CNTNAP2: variants seen among roughly 807,000 people sequenced by gnomAD.
CNTNAP2 encodes the protein contactin associated protein 2.
Under a neutral mutation model 155.2 loss-of-function variants are expected in CNTNAP2, and 98 were observed. The ratio of observed to expected loss-of-function variants is 0.63; its 90% CI spans 0.54 to 0.75. CNTNAP2 has a LOEUF of 0.75. Ranked by LOEUF, CNTNAP2 falls within the 30% of genes least tolerant of loss-of-function variation. CNTNAP2 has a pLI of 0.00. For synonymous variants in CNTNAP2, 651 were observed against 631.2 expected, an observed-to-expected ratio of 1.03 and a Z score of -0.47; for missense variants, 1,727 against 1,688.1, an observed-to-expected ratio of 1.02 and a Z score of -0.40.
chr7:146,839,822 C>A lies in CNTNAP2; in HGVS notation c.320C>A (p.Ser107Ter). 6.2e-7 allele frequency: 1 copy of A among 1,614,090 alleles called. No homozygotes were observed. The highest frequency in any genetic ancestry group is 8.5e-7 in the Non-Finnish European group (1 of 1,180,026). The change falls in exon 3 of 24, where the codon TCA (serine) becomes TAA (stop). Residue 107 changes from serine to a stop codon, truncating the protein, a stop_gained. Transcript: ENST00000361727. LOFTEE classifies it high-confidence loss of function. ...GCAACCCAAGGAAGGTATAGCAGCT[C>A]AGATTGGGTGACCCAATACCGGATG... The part of the protein sequence containing the change: ...AIATQGRYSS[S>*]DWVTQYRMLY...
At chr7:147,774,309 A>G (rs1350161308) in intron 13 of CNTNAP2, among the ~76,000 whole-genome samples, 1 of 152,232 alleles carries the variant, frequency 6.6e-6, no homozygotes, top group Non-Finnish European at 1.5e-5. Flanking sequence ...GGAATTGATT[A>G]TGAAGTCAAT....
intron 3 of CNTNAP2, among the ~76,000 whole-genome samples, chr7:146,885,346 C>T (rs909107982): frequency 7.9e-5 from 12 of 151,858 alleles, no homozygotes; most frequent in East Asian, 1.9e-4. Flanking sequence ...TGGCAAGAAA[C>T]GAGAATACCA....
chr7:146,307,156 A>C (rs1018410733), intron 1 of CNTNAP2, among the ~76,000 whole-genome samples: 3 of 152,196 alleles, frequency 2.0e-5, no homozygotes, highest in Non-Finnish European at 4.4e-5. Context: ...TCAATGTGCA[A>C]AAATCACAAG....
At chr7:148,328,976 G>GGAAAAAA (rs772803123) in intron 21 of CNTNAP2, among the ~76,000 whole-genome samples, 5 of 69,254 alleles carry the variant, frequency 7.2e-5, no homozygotes, top group African/African-American at 2.6e-4. Flanking sequence ...ACTCTGTCTG[G>GGAAAAAA]AAAAAAAAAA....
intron 12 of CNTNAP2, among the ~76,000 whole-genome samples, chr7:147,575,103 G>A (rs1333481129): frequency 8.1e-6 from 1 of 122,788 alleles, no homozygotes; most frequent in Non-Finnish European, 1.7e-5. Flanking sequence ...GGTCTTTGTG[G>A]GAAATGTGTG....
At chr7:146,330,682 A>T (rs1310540501) in intron 1 of CNTNAP2, among the ~76,000 whole-genome samples, 1 of 152,164 alleles carries the variant, frequency 6.6e-6, no homozygotes, top group African/African-American at 2.4e-5. Context: ...AAAGACCAAA[A>T]ACCCTGAGGC....
At chr7:147,161,793 T>C (rs1458255418) in intron 8 of CNTNAP2, 1 of 152,196 alleles carries the variant, frequency 6.6e-6, no homozygotes. Context: ...ATGGTATAGA[T>C]TTTATCCCAG....
At chr7:146,391,901 CTGGGTAA>C (rs1447986625) in intron 1 of CNTNAP2, among the ~76,000 whole-genome samples, 5 of 151,950 alleles carry the variant, frequency 3.3e-5, no homozygotes, top group African/African-American at 9.7e-5. Context: ...GGCTTAATAC[CTGGGTAA>C]TGAAACAAGC....
At chr7:146,158,983 G>A (rs1798173691) in intron 1 of CNTNAP2, among the ~76,000 whole-genome samples, 1 of 152,156 alleles carries the variant, frequency 6.6e-6, no homozygotes, top group African/African-American at 2.4e-5. Context: ...GTTAAGGGCA[G>A]CCAGAGAGAA....
intron 1 of CNTNAP2, among the ~76,000 whole-genome samples, chr7:146,288,520 C>T (rs1424979073): frequency 3.3e-5 from 5 of 151,774 alleles, no homozygotes; most frequent in East Asian, 3.9e-4. Context: ...TTTATTATAA[C>T]GTTGATGAGA....
intron 13 of CNTNAP2, among the ~76,000 whole-genome samples, chr7:147,900,575 G>C (rs576478539): frequency 6.6e-6 from 1 of 152,238 alleles, no homozygotes; most frequent in East Asian, 1.9e-4. Flanking sequence ...CTTTATAGTA[G>C]TGTGAAATCA....
intron 21 of CNTNAP2, among the ~76,000 whole-genome samples, chr7:148,285,171 T>A (rs536043114): frequency 3.4e-4 from 52 of 152,362 alleles, no homozygotes; most frequent in South Asian, 1.2e-3. Flanking sequence ...ATGTCACAGC[T>A]CTGTGCTCTG....
chr7:147,920,355 C>CAAAAA lies in CNTNAP2; in HGVS notation c.2255+16651_2255+16655dup, dbSNP rs35672069. Among the ~76,000 whole-genome samples, 105 of 86,780 alleles carry CAAAAA rather than the reference C, an allele frequency of 1.2e-3. 2 individuals carry two copies. Among genetic ancestry groups the CAAAAA allele is most frequent in the African/African-American group, 2.6e-3 (61 of 23,800 alleles). 56.9% of individuals were successfully genotyped at this position (86,780 alleles called of 152,430 possible). Reference sequence around the variant, plus strand: ...TGGGTGACAGAGGGAGACTCCGTCTCAAAAAAAAAAAAAAAAAAAAAGCAT... The same window carrying CAAAAA: ...TGGGTGACAGAGGGAGACTCCGTCTCAAAAAAAAAAAAAAAAAAAAAAAAAAGCAT... On this transcript the variant is annotated intron_variant, in intron 14 of 23. Coordinates refer to ENST00000361727, the MANE Select transcript of CNTNAP2 (RefSeq NM_014141.6).
chr7:146,138,740 A>T (rs1425238251), intron 1 of CNTNAP2, among the ~76,000 whole-genome samples: 5 of 152,118 alleles, frequency 3.3e-5, no homozygotes, highest in African/African-American at 1.2e-4. Context: ...TGTTGCTCAC[A>T]TAGTTGACAT....
At chr7:147,463,388 T>A (rs1006924296) in intron 10 of CNTNAP2, among the ~76,000 whole-genome samples, 4 of 152,192 alleles carry the variant, frequency 2.6e-5, no homozygotes, top group Admixed American at 1.3e-4. Flanking sequence ...CTTAAACTGT[T>A]TTCTTCAACT....
At chr7:146,618,028 A>G (rs997987569) in intron 1 of CNTNAP2, among the ~76,000 whole-genome samples, 13 of 152,154 alleles carry the variant, frequency 8.5e-5, no homozygotes, top group Middle Eastern at 3.4e-3. Context: ...TTTTTTAAAA[A>G]AAGTAAAGAA....
chr7:147,580,689 C>A (rs1194159604), intron 12 of CNTNAP2, among the ~76,000 whole-genome samples: 1 of 151,446 alleles, frequency 6.6e-6, no homozygotes, highest in Non-Finnish European at 1.5e-5. Flanking sequence ...GATCTCTGCT[C>A]ACTGCAACCT....
At chr7:147,422,949 A>T (rs937279305) in intron 10 of CNTNAP2, among the ~76,000 whole-genome samples, 5 of 152,200 alleles carry the variant, frequency 3.3e-5, no homozygotes, top group Non-Finnish European at 7.3e-5. Context: ...TGGCAAAAGA[A>T]AAAAACAACA....
At chr7:147,255,183 T>C (rs1804293596) in intron 8 of CNTNAP2, among the ~76,000 whole-genome samples, 1 of 152,162 alleles carries the variant, frequency 6.6e-6, no homozygotes, top group Admixed American at 6.5e-5. Context: ...TTGTTTACCT[T>C]TTTCAACACC....
Sources: gnomAD v4.1 joint callset for allele counts (sites outside exome capture counted in the v4.1 genomes callset) on GRCh38, gnomAD v4.1.1 for gene constraint, MANE v1.5 for transcripts, NCBI Gene and HGNC (gene_info 2026-07-23, HGNC 2026-07-21) for gene names.